ZFYVE28: variants seen among roughly 807,000 people sequenced by gnomAD.
ZFYVE28 encodes the protein lateral signaling target protein 2 homolog.
In ZFYVE28, 40 loss-of-function variants were observed where a neutral mutation model predicts 82.1. That is an observed-to-expected ratio of 0.49 (90% CI 0.38 to 0.63). The LOEUF (loss-of-function observed/expected upper bound fraction) is 0.63, where lower values mean the gene tolerates loss of function less well. Ranked by LOEUF, ZFYVE28 falls within the 30% of genes least tolerant of loss-of-function variation. ZFYVE28 has a pLI of 0.00. For missense variants in ZFYVE28, 1,321 were observed against 1,242.1 expected, an observed-to-expected ratio of 1.06 and a Z score of -0.96; for synonymous variants, 612 against 546.1, an observed-to-expected ratio of 1.12 and a Z score of -1.68.
chr4:2,325,006 G>C (rs767123668), intron 6 of ZFYVE28: 8 of 159,668 alleles, frequency 5.0e-5, no homozygotes, highest in Non-Finnish European at 8.4e-5. Flanking sequence ...GCCTGATCAA[G>C]AATATCTTAG....
intron 1 of ZFYVE28, chr4:2,364,396 C>A: frequency 1.0e-6 from 1 of 977,666 alleles, no homozygotes; most frequent in Non-Finnish European, 1.2e-6. Flanking sequence ...GCCCCAAGGG[C>A]ACAGCCCCCC....
intron 6 of ZFYVE28, chr4:2,330,861 C>G: frequency 1.3e-6 from 2 of 1,532,758 alleles, no homozygotes; most frequent in Non-Finnish European, 1.7e-6. Flanking sequence ...GGAGAGAGGA[C>G]TGGTGTGGGC....
Position 2,270,533 on chromosome 4 carries a change from C to T in ZFYVE28, c.*192G>A. 1 of 814,398 alleles carries T rather than the reference C, an allele frequency of 1.2e-6. No homozygotes were observed. Among genetic ancestry groups the T allele is most frequent in the Admixed American group, 2.9e-5 (1 of 34,938 alleles). 50.4% of individuals were successfully genotyped at this position (814,398 alleles called of 1,614,324 possible). On this transcript the variant is annotated 3_prime_UTR_variant, in exon 13 of 13. Transcript: ENST00000290974. Reference sequence around the variant, plus strand: ...GGCAAAGCTGACCTCTTGTTGGCCCCTGCAGCCGGCCCGGGGTCCCTGCAG... The same window carrying T: ...GGCAAAGCTGACCTCTTGTTGGCCCTTGCAGCCGGCCCGGGGTCCCTGCAG...
chr4:2,400,028 G>A (rs1414282579), intron 1 of ZFYVE28, among the ~76,000 whole-genome samples: 1 of 152,220 alleles, frequency 6.6e-6, no homozygotes, highest in Non-Finnish European at 1.5e-5. Context: ...ACAGCCCCAC[G>A]GCCGCTTCAG....
intron 8 of ZFYVE28, among the ~76,000 whole-genome samples, chr4:2,296,385 G>A (rs1006491122): frequency 2.0e-5 from 3 of 152,202 alleles, no homozygotes; most frequent in Admixed American, 6.5e-5. Context: ...TGTGCACGGC[G>A]GACCAGCCCT....
At chr4:2,359,135 C>T (rs375267015) in intron 1 of ZFYVE28, among the ~76,000 whole-genome samples, 8 of 151,566 alleles carry the variant, frequency 5.3e-5, no homozygotes, top group African/African-American at 1.5e-4. Context: ...CCACCAGGCC[C>T]GGCTAATTTT....
Position 2,305,054 on chromosome 4 carries a change from G to A in ZFYVE28, c.1286C>T (p.Thr429Ile), listed in dbSNP as rs746450436. 52 of 1,611,704 alleles carry A rather than the reference G, an allele frequency of 3.2e-5. No homozygotes were observed. The highest frequency in any genetic ancestry group is 4.1e-5 in the Non-Finnish European group (48 of 1,179,320). ...CCCTTTCTCCTGGGGGTCGGCCCAG[G>A]TACTGCCTGCCCACCCAAATGGGCC... is the stretch of plus-strand genomic sequence containing the variant. Reference protein sequence around the residue: ...PAGPFGWAGSTWADPQEKGQG... With the variant: ...PAGPFGWAGSIWADPQEKGQG... Residue 429 changes from threonine to isoleucine, a missense_variant, in exon 8 of 13, where the codon ACC becomes ATC. By Grantham distance (89) the Thr-to-Ile change is moderately conservative (BLOSUM62 -1). Around this residue, in one of 2 missense-constraint regions of ZFYVE28, gnomAD observed 978 missense variants for 833.7 expected, o/e 1.17. Coordinates refer to ENST00000290974, the MANE Select transcript of ZFYVE28 (RefSeq NM_020972.3).
At chr4:2,271,290 C>T (rs1477059812) in intron 12 of ZFYVE28, 21 bp downstream of exon 12, 25 of 1,608,598 alleles carry the variant, frequency 1.6e-5, no homozygotes, top group East Asian at 4.5e-5. Context: ...AGGGACCCTC[C>T]GTGCAAGGGG....
intron 2 of ZFYVE28, among the ~76,000 whole-genome samples, chr4:2,351,578 G>A (rs1406867177): frequency 6.6e-6 from 1 of 152,178 alleles, no homozygotes. Context: ...GCAGGGCATG[G>A]TGGCGCATGC....
intron 12 of ZFYVE28, 63 bp from the exon 13 acceptor site, chr4:2,270,919 G>C: frequency 6.4e-7 from 1 of 1,557,266 alleles, no homozygotes; most frequent in Non-Finnish European, 8.7e-7. Flanking sequence ...CTGGCTCCTC[G>C]CCCTCCCACA....
In ZFYVE28 at chr4:2,305,120, T is replaced by C. The variant is rs1716352185; in HGVS notation, c.1220A>G (p.Glu407Gly). 1 of 1,593,216 alleles carries C rather than the reference T, an allele frequency of 6.3e-7. No individual in the cohort carries two copies. Among genetic ancestry groups the C allele is most frequent in the Non-Finnish European group, 8.6e-7 (1 of 1,168,826 alleles). Reference protein sequence around the residue: ...EERVFFMDDVEGTAEALARPE... With the variant: ...EERVFFMDDVGGTAEALARPE... ...CCTGGCCAGGGCTTCTGCCGTCCCC[T>C]CCACGTCATCCATGAAGAACACGCG... The change falls in exon 8 of 13, where the codon GAG becomes GGG. Residue 407 changes from glutamate (E) to glycine (G), a missense_variant. Glu to Gly is a moderately conservative substitution (Grantham distance 98). Transcript: ENST00000290974.
In ZFYVE28 at chr4:2,403,913, G is replaced by A. The variant is rs185167590; in HGVS notation, c.39+14372C>T. On this transcript the variant is annotated intron_variant, in intron 1 of 12. Transcript: ENST00000290974. ...GAAACCGAGAGGCAGAGGTTGCAGC[G>A]AGCAGATATTGCGCCATTGCACTCC... Among the ~76,000 whole-genome samples the A allele has an allele frequency of 3.5e-3, 526 of 149,548 alleles. 3 individuals are homozygous for A. The highest frequency in any genetic ancestry group is 6.7e-3 in the Admixed American group (100 of 14,958).
intron 8 of ZFYVE28, among the ~76,000 whole-genome samples, chr4:2,288,159 GC>G (rs1034615087): frequency 6.6e-6 from 1 of 152,142 alleles, no homozygotes; most frequent in African/African-American, 2.4e-5. Flanking sequence ...CCTGGAGGAG[GC>G]GGCCTGGCCT....
Position 2,335,354 on chromosome 4 carries a change from G to A in ZFYVE28, c.701+351C>T, listed in dbSNP as rs1243085967. Among the ~76,000 whole-genome samples, 1 of 152,106 alleles carries A rather than the reference G, an allele frequency of 6.6e-6. No individual in the cohort carries two copies. The highest frequency in any genetic ancestry group is 1.5e-5 in the Non-Finnish European group (1 of 68,014). ...GTCTGCCTCCCACAGCCCCTGCGTG[G>A]CCACTCTGTTCCGAGCATGACCCCT... On this transcript the variant is annotated intron_variant, in intron 6 of 12. Transcript: ENST00000290974. The surrounding 1 kb of genome is among the most constrained non-coding windows in gnomAD (Gnocchi z 5.8).
chr4:2,366,132 G>A (rs896314484), intron 1 of ZFYVE28, among the ~76,000 whole-genome samples: 24 of 152,242 alleles, frequency 1.6e-4, no homozygotes, highest in African/African-American at 5.3e-4. Context: ...AGAGACTTCT[G>A]GGGGGAGTGC....
At chr4:2,373,472 T>A (rs1727787708) in intron 1 of ZFYVE28, among the ~76,000 whole-genome samples, 1 of 151,814 alleles carries the variant, frequency 6.6e-6, no homozygotes, top group Non-Finnish European at 1.5e-5. Flanking sequence ...GCCACTGCAC[T>A]CCAGCCTGGG....
intron 8 of ZFYVE28, among the ~76,000 whole-genome samples, chr4:2,304,053 C>T (rs141672521): frequency 3.3e-5 from 5 of 152,350 alleles, no homozygotes; most frequent in African/African-American, 4.8e-5. Context: ...AACAGGGAAG[C>T]GGGCCCGCTG....
intron 1 of ZFYVE28, among the ~76,000 whole-genome samples, chr4:2,404,200 T>C (rs1214581305): frequency 6.7e-6 from 1 of 149,300 alleles, no homozygotes; most frequent in Non-Finnish European, 1.5e-5. Context: ...TGGGTGCCTG[T>C]AGTCCCAGCT....
At chr4:2,275,401 C>A (rs1398559564) in intron 8 of ZFYVE28, among the ~76,000 whole-genome samples, 3 of 152,250 alleles carry the variant, frequency 2.0e-5, no homozygotes. Flanking sequence ...GAAATTTCCC[C>A]CAACTCGTTC....
Sources: gnomAD v4.1 joint callset for allele counts (sites outside exome capture counted in the v4.1 genomes callset) on GRCh38, gnomAD v4.1.1 for gene constraint, gnomAD v4.1.1 regional missense constraint, Gnocchi (gnomAD v3.1) non-coding constraint, MANE v1.5 for transcripts, NCBI Gene and HGNC (gene_info 2026-07-23, HGNC 2026-07-21) for gene names.